Variants in OXR1 observed in about 807,000 individuals in gnomAD.
OXR1 encodes oxidation resistance 1, also known as oxidation resistance protein 1.
A neutral mutation model predicts 104.6 loss-of-function variants in OXR1; 41 were observed. That is an observed-to-expected ratio of 0.39 (90% CI 0.31 to 0.51). The LOEUF (loss-of-function observed/expected upper bound fraction) is 0.51. OXR1 is among the 20% of genes least tolerant of loss of function. OXR1 has a pLI of 0.77. For missense variants in OXR1, 955 were observed against 1,031.9 expected, an observed-to-expected ratio of 0.93 and a Z score of 1.02; for synonymous variants, 348 against 348.4, an observed-to-expected ratio of 1.00 and a Z score of 0.01.
At chr8:106,551,860 A>ATG (rs71307068) in intron 3 of OXR1, among the ~76,000 whole-genome samples, 35,090 of 126,012 alleles carry the variant, frequency 0.28, 4,714 homozygotes, top group South Asian at 0.31. Context: ...GTGTATATAT[A>ATG]TGTGTGTGTG....
chr8:106,358,060 G>C (rs762556855), intron 1 of OXR1, among the ~76,000 whole-genome samples: 2 of 152,148 alleles, frequency 1.3e-5, no homozygotes, highest in East Asian at 3.8e-4. Context: ...ATAAAATGTA[G>C]GCAGAAATGT....
At chr8:106,345,169 A>C (rs1815427071) in intron 1 of OXR1, among the ~76,000 whole-genome samples, 1 of 152,256 alleles carries the variant, frequency 6.6e-6, no homozygotes, top group South Asian at 2.1e-4. Context: ...GACACACAGC[A>C]GGTGCTCAAT....
chr8:106,740,137 T>G, intron 13 of OXR1: 1 of 461,846 alleles, frequency 2.2e-6, no homozygotes, highest in Non-Finnish European at 3.8e-6. Context: ...TGATTCTTTA[T>G]TTTCCTAATA....
chr8:106,585,711 A>G (rs745800094), intron 3 of OXR1, among the ~76,000 whole-genome samples: 16 of 152,162 alleles, frequency 1.1e-4, no homozygotes, highest in Non-Finnish European at 1.3e-4. Flanking sequence ...ATGTGTCACA[A>G]TCTTTAATGG....
intron 2 of OXR1, among the ~76,000 whole-genome samples, chr8:106,424,949 C>T (rs148900254): frequency 1.3e-4 from 19 of 151,624 alleles, no homozygotes; most frequent in Admixed American, 7.9e-4. Flanking sequence ...AGTTATTTAG[C>T]GTATTTTGAA....
chr8:106,379,160 C>G (rs954844171), intron 2 of OXR1, among the ~76,000 whole-genome samples: 3 of 152,138 alleles, frequency 2.0e-5, no homozygotes, highest in African/African-American at 7.2e-5. Context: ...CATCCCAACC[C>G]TACTGCATCA....
chr8:106,533,712 CT>C (rs34122715), intron 3 of OXR1, among the ~76,000 whole-genome samples: 47,599 of 132,280 alleles, frequency 0.36, 9,663 homozygotes, highest in Non-Finnish European at 0.47. Context: ...GTTGAGTTTA[CT>C]TTTTTTTTTT....
chr8:106,313,042 C>T (rs962695784), intron 1 of OXR1, among the ~76,000 whole-genome samples: 1 of 152,056 alleles, frequency 6.6e-6, no homozygotes, highest in African/African-American at 2.4e-5. Flanking sequence ...TCAGAGATCA[C>T]TTACCAATGT....
intron 3 of OXR1, among the ~76,000 whole-genome samples, chr8:106,658,711 G>T (rs955860702): frequency 1.3e-5 from 2 of 152,156 alleles, no homozygotes; most frequent in Non-Finnish European, 2.9e-5. Flanking sequence ...GACATTTTGC[G>T]TCGTGTACTT....
intron 2 of OXR1, among the ~76,000 whole-genome samples, chr8:106,489,579 CTG>C (rs1194176488): frequency 5.9e-5 from 9 of 151,960 alleles, no homozygotes; most frequent in African/African-American, 2.2e-4. Context: ...ATTTTGAGGA[CTG>C]TATTGATATG....
intron 3 of OXR1, among the ~76,000 whole-genome samples, chr8:106,521,721 C>T (rs2130133491): frequency 6.6e-6 from 1 of 152,284 alleles, no homozygotes; most frequent in South Asian, 2.1e-4. Flanking sequence ...ACTGCGTTAG[C>T]CAGGATGGTC....
At chr8:106,720,412 A>G (rs1392242413) in intron 11 of OXR1, among the ~76,000 whole-genome samples, 14 of 152,172 alleles carry the variant, frequency 9.2e-5, no homozygotes, top group Non-Finnish European at 1.6e-4. Flanking sequence ...TGTTAAACAT[A>G]TACAATATTA....
chr8:106,462,734 A>T (rs957160803), intron 2 of OXR1, among the ~76,000 whole-genome samples: 3 of 152,090 alleles, frequency 2.0e-5, no homozygotes, highest in African/African-American at 7.2e-5. Flanking sequence ...CTTGGTTCTG[A>T]TAGTTGCTAA....
At chr8:106,371,344 G>A (rs955312696) in intron 2 of OXR1, among the ~76,000 whole-genome samples, 3 of 151,624 alleles carry the variant, frequency 2.0e-5, no homozygotes, top group African/African-American at 7.3e-5. Context: ...CAAAAAAAAA[G>A]CAGCTTCTGG....
chr8:106,664,544 C>A (rs1826083204), intron 3 of OXR1, among the ~76,000 whole-genome samples: 1 of 152,276 alleles, frequency 6.6e-6, no homozygotes, highest in African/African-American at 2.4e-5. Flanking sequence ...TGTATTTGGT[C>A]TTTAAGGTAT....
chr8:106,439,267 G>A (rs1018265394), intron 2 of OXR1, among the ~76,000 whole-genome samples: 1 of 151,956 alleles, frequency 6.6e-6, no homozygotes, highest in African/African-American at 2.4e-5. Context: ...AGGAGTTGAA[G>A]AGACCAGAGC....
At chr8:106,722,530 G>A (rs1832905950) in intron 11 of OXR1, among the ~76,000 whole-genome samples, 1 of 152,094 alleles carries the variant, frequency 6.6e-6, no homozygotes, top group Admixed American at 6.5e-5. Context: ...TTATAATGGA[G>A]CTGTCTCTTA....
rs72680984 is a variant in OXR1 at position 106,592,505 on chromosome 8, C to T, written c.220+73366C>T. Among the ~76,000 whole-genome samples the T allele has an allele frequency of 4.2e-3, 632 of 152,138 alleles. 1 individual carries two copies. The highest frequency in any genetic ancestry group is 0.017 in the Middle Eastern group (5 of 294). On this transcript the variant is annotated intron_variant, in intron 3 of 16. Coordinates refer to ENST00000517566, the MANE Select transcript of OXR1 (RefSeq NM_001198533.2). ...GATCCTAAGTGATGGAACCAAGATT[C>T]GAAACCAAGCCACTTCTGACTCCAG... is the stretch of plus-strand genomic sequence containing the variant.
intron 3 of OXR1, among the ~76,000 whole-genome samples, chr8:106,666,536 G>A (rs1021526380): frequency 6.6e-6 from 1 of 152,196 alleles, no homozygotes; most frequent in Non-Finnish European, 1.5e-5. Context: ...GTGGCAATGA[G>A]ATTTTGTAGT....
Sources: gnomAD v4.1 joint callset for allele counts (sites outside exome capture counted in the v4.1 genomes callset) on GRCh38, gnomAD v4.1.1 for gene constraint, MANE v1.5 for transcripts, NCBI Gene and HGNC (gene_info 2026-07-23, HGNC 2026-07-21) for gene names.